The following PATJ variants were observed in gnomAD, a reference collection of about 807,000 sequenced individuals.
PATJ encodes inaD-like protein.
In PATJ, 190 loss-of-function variants were observed where a neutral mutation model predicts 224.9. That is an observed-to-expected ratio of 0.84 (90% CI 0.75 to 0.95). The LOEUF (loss-of-function observed/expected upper bound fraction) is 0.95. Among genes scored for constraint, PATJ ranks in the 40% least tolerant of loss-of-function variants. PATJ has a pLI of 0.00. For missense variants in PATJ, 2,121 were observed against 2,270.3 expected, an observed-to-expected ratio of 0.93 and a Z score of 1.34; for synonymous variants, 769 against 820.3, an observed-to-expected ratio of 0.94 and a Z score of 1.07.
intron 11 of PATJ, 116 bp downstream of exon 11, chr1:61,797,544 C>T (rs1651600342): frequency 7.3e-6 from 6 of 818,410 alleles, no homozygotes; most frequent in Non-Finnish European, 1.2e-5. Context: ...TCGTGTAATA[C>T]ACTGATGGAG....
chr1:61,884,183 C>A lies in PATJ; in HGVS notation c.2960-54C>A, dbSNP rs575022689. ...GTGCCCATACCTAGTTGTTGAATGACTAAAGGAGAATGAGTGCCTCTTGTG... is the reference window on the plus strand; with the variant it reads ...GTGCCCATACCTAGTTGTTGAATGAATAAAGGAGAATGAGTGCCTCTTGTG... On this transcript the variant is annotated intron_variant, in intron 21 of 43. Transcript: ENST00000642238. The A allele has an allele frequency of 3.5e-6, 5 of 1,437,440 alleles. No homozygotes were observed. The Admixed American group carries it at 8.8e-5, about 25-fold the overall frequency. 89.0% of individuals were successfully genotyped at this position (1,437,440 alleles called of 1,614,324 possible). A position where few individuals can be genotyped will look rare whatever the true frequency, so the allele number is the denominator to read the frequency against.
intron 14 of PATJ, among the ~76,000 whole-genome samples, chr1:61,813,342 T>TAC (rs201945971): frequency 2.2e-5 from 1 of 45,548 alleles, no homozygotes; most frequent in African/African-American, 9.1e-5. Context: ...TACATATATA[T>TAC]ATATATATAT....
chr1:62,071,992 T>G (rs1657506575), intron 31 of PATJ, among the ~76,000 whole-genome samples: 1 of 152,184 alleles, frequency 6.6e-6, no homozygotes. Flanking sequence ...TCCTGTTCCC[T>G]GCTTTGTCCA....
intron 28 of PATJ, among the ~76,000 whole-genome samples, chr1:62,010,736 G>T (rs1368138337): frequency 3.3e-5 from 5 of 152,144 alleles, no homozygotes; most frequent in Admixed American, 1.3e-4. Flanking sequence ...ATTGACTCAT[G>T]GTTCCTCATG....
chr1:61,803,539 A>AAC (rs1652967913), intron 12 of PATJ, among the ~76,000 whole-genome samples: 1 of 152,200 alleles, frequency 6.6e-6, no homozygotes, highest in African/African-American at 2.4e-5. Context: ...AAAGACAATG[A>AAC]ACAGATGGTT....
At chr1:61,871,054 T>G (rs1666257970) in intron 20 of PATJ, among the ~76,000 whole-genome samples, 1 of 150,854 alleles carries the variant, frequency 6.6e-6, no homozygotes, top group Admixed American at 6.6e-5. Context: ...GTCCATTTTT[T>G]AAAGATTTGG....
At chr1:62,022,728 C>A (rs1647158698) in intron 29 of PATJ, among the ~76,000 whole-genome samples, 1 of 152,146 alleles carries the variant, frequency 6.6e-6, no homozygotes, top group African/African-American at 2.4e-5. Context: ...GTAAAAACTC[C>A]TGGGGCTAAA....
chr1:62,125,254 C>CAAAAAAAAAAAAAAAAAAAAAAAAAAA (rs779305398), intron 39 of PATJ, among the ~76,000 whole-genome samples: 2 of 71,426 alleles, frequency 2.8e-5, no homozygotes, highest in African/African-American at 6.0e-5. Context: ...AAAAAAAAAA[C>CAAAAAAAAAAAAAAAAAAAAAAAAAAA]AAAAAAAAAC....
At chr1:61,820,633 C>T (rs1256379038) in intron 14 of PATJ, among the ~76,000 whole-genome samples, 3 of 152,194 alleles carry the variant, frequency 2.0e-5, no homozygotes, top group African/African-American at 2.4e-5. Context: ...TGAGCTACCA[C>T]ACCCGGCCTA....
At chr1:61,923,372 A>G (rs1674613390) in intron 26 of PATJ, among the ~76,000 whole-genome samples, 1 of 152,206 alleles carries the variant, frequency 6.6e-6, no homozygotes, top group African/African-American at 2.4e-5. Context: ...AAATAAAGAG[A>G]ATGTAATTAG....
intron 32 of PATJ, 92 bp downstream of exon 32, chr1:62,079,659 C>A: frequency 2.5e-6 from 2 of 805,040 alleles, no homozygotes; most frequent in Admixed American, 2.2e-5. Context: ...GACCAGGAGG[C>A]AGAAGTCTGA....
intron 27 of PATJ, among the ~76,000 whole-genome samples, chr1:61,947,511 T>C (rs942505998): frequency 6.6e-6 from 1 of 152,118 alleles, no homozygotes; most frequent in Non-Finnish European, 1.5e-5. Context: ...TTACAAGGGA[T>C]GTGAAGGACC....
Position 61,796,724 on chromosome 1 carries a change from T to TTTTCTTTCTTTC in PATJ, c.1261-555_1261-544dup, listed in dbSNP as rs1553163033. Among the ~76,000 whole-genome samples the TTTTCTTTCTTTC allele has an allele frequency of 1.8e-3, 93 of 52,736 alleles. 1 individual carries two copies. Among genetic ancestry groups the TTTTCTTTCTTTC allele is most frequent in the South Asian group, 0.011 (14 of 1,238 alleles). 34.6% of individuals were successfully genotyped at this position (52,736 alleles called of 152,430 possible). A position where few individuals can be genotyped will look rare whatever the true frequency, so the allele number is the denominator to read the frequency against. On this transcript the variant is annotated intron_variant, in intron 10 of 43. Transcript: ENST00000642238. The stretch of plus-strand genomic sequence containing the variant: ...TTTCTTTCTTTCTTTCTTTCTTTCT[T>TTTTCTTTCTTTC]TTTCTTTCTTTCTTTCTTTTTTTTC...
intron 21 of PATJ, among the ~76,000 whole-genome samples, chr1:61,881,414 T>A (rs963614359): frequency 1.3e-4 from 20 of 149,066 alleles, no homozygotes; most frequent in East Asian, 7.8e-4. Flanking sequence ...GTTATTTTTT[T>A]TTTTTTTTTT....
chr1:61,771,277 C>T (rs1464729712), intron 5 of PATJ, among the ~76,000 whole-genome samples, 154 bp from the exon 6 acceptor site: 1 of 152,104 alleles, frequency 6.6e-6, no homozygotes, highest in Non-Finnish European at 1.5e-5. Flanking sequence ...CTGTGAAAAA[C>T]ACTCTGAAGA....
At chr1:61,781,262 A>G (rs968888641) in intron 7 of PATJ, among the ~76,000 whole-genome samples, 12 of 152,204 alleles carry the variant, frequency 7.9e-5, no homozygotes, top group African/African-American at 2.9e-4. Flanking sequence ...AGCCAGCTCT[A>G]GGAACAAGAG....
At chr1:62,012,258 A>G (rs1432410748) in intron 28 of PATJ, among the ~76,000 whole-genome samples, 1 of 152,186 alleles carries the variant, frequency 6.6e-6, no homozygotes. Context: ...ACCTCTGGGT[A>G]TGCCCTAGGA....
chr1:61,783,745 CT>C (rs11372619), intron 7 of PATJ, among the ~76,000 whole-genome samples: 22 of 117,858 alleles, frequency 1.9e-4, no homozygotes, highest in East Asian at 2.6e-4. Context: ...AGAGTTGCTA[CT>C]TTTTTTTTTT....
Position 61,874,021 on chromosome 1 carries a change from A to C in PATJ, c.2836-1222A>C, listed in dbSNP as rs572558350. On this transcript the variant is annotated intron_variant, in intron 20 of 43. Coordinates refer to ENST00000642238, the MANE Select transcript of PATJ (RefSeq NM_001350145.3). ...ACTCTTCAGTGTGTCCGTGTGCCTA[A>C]TTCTTCCTGATCATGAGACAAGAAC... 7.2e-5 allele frequency among the ~76,000 whole-genome samples: 11 copies of C among 152,160 alleles called. No homozygotes were observed. In the South Asian group the frequency reaches 2.1e-3, roughly 29 times the overall value.
Sources: allele counts gnomAD v4.1 joint callset (sites outside exome capture counted in the v4.1 genomes callset), GRCh38; gene constraint gnomAD v4.1.1; transcripts MANE v1.5; gene names NCBI Gene and HGNC (gene_info 2026-07-23, HGNC 2026-07-21).